LOXHD1: variants seen among roughly 807,000 people sequenced by gnomAD.
The protein encoded by LOXHD1 is lipoxygenase homology PLAT domains 1.
LOXHD1 carries 205 observed loss-of-function variants against 248.2 expected under a neutral mutation model. The observed-to-expected ratio is 0.83, with a 90% CI of 0.74 to 0.93. The LOEUF (loss-of-function observed/expected upper bound fraction) is 0.93. Among genes scored for constraint, LOXHD1 ranks in the 40% least tolerant of loss-of-function variants. LOXHD1 has a pLI of 0.00. For synonymous variants in LOXHD1, 1,113 were observed against 1,162.8 expected, an observed-to-expected ratio of 0.96 and a Z score of 0.87; for missense variants, 2,930 against 2,971.6, an observed-to-expected ratio of 0.99 and a Z score of 0.33.
At position 46,509,742 on chromosome 18, in the gene LOXHD1, G is replaced by A. The variant is rs776814200; in HGVS notation, c.5473C>T (p.Arg1825Trp). The A allele has an allele frequency of 4.8e-5, 75 of 1,551,460 alleles. No homozygotes were observed. The highest frequency in any genetic ancestry group is 3.9e-4 in the South Asian group (33 of 84,048). ...GGCCGACTGCCCAGGCCATCAATCC[G>A]GATCCGCATCTTGGTGAATGGAGCA... is the stretch of plus-strand genomic sequence containing the variant. ...DIAPFTKMRI[R>W]IDGLGSRPEW... The change falls in exon 35 of 41, where the codon CGG becomes TGG. Residue 1825 changes from arginine (R) to tryptophan (W), a missense_variant. By Grantham distance (101) the Arg-to-Trp change is moderately radical. Coordinates refer to ENST00000642948, the MANE Select transcript of LOXHD1 (RefSeq NM_001384474.1).
rs67053766 is a variant in LOXHD1 at position 46,614,718 on chromosome 18, T to TAATAAATAAATAAATA, written c.610+3458_610+3473dup. Reference sequence around the variant, plus strand: ...ATGTACCCTAGTACTTAAAGTATAATAATAAATAAATAAATAAATAAATAA... The same window carrying TAATAAATAAATAAATA: ...ATGTACCCTAGTACTTAAAGTATAATAATAAATAAATAAATAAATAAATAAATAAATAAATAAATAA... On this transcript the variant is annotated intron_variant, in intron 5 of 40. Coordinates refer to ENST00000642948, the MANE Select transcript of LOXHD1 (RefSeq NM_001384474.1). Among the ~76,000 whole-genome samples, 42 of 149,850 alleles carry TAATAAATAAATAAATA rather than the reference T, an allele frequency of 2.8e-4. No homozygotes were observed. The East Asian group carries it at 4.7e-3, about 17-fold the overall frequency.
chr18:46,545,693 G>GA lies in LOXHD1; in HGVS notation c.3515-273dup, dbSNP rs1393726895. Among the ~76,000 whole-genome samples, 4 of 136,658 alleles carry GA rather than the reference G, an allele frequency of 2.9e-5. No homozygotes were observed. In the Admixed American group the frequency reaches 3.0e-4, roughly 10 times the overall value. The allele number at this position is 136,658 out of a possible 152,430, so 89.7% of individuals were successfully genotyped here. A position where few individuals can be genotyped will look rare whatever the true frequency, so the allele number is the denominator to read the frequency against. ...CGCCCAGGCTGGAGTGCAGTGGCGGGATCTCGGCTCACTGCAAGCTCCGCC... is the reference window on the plus strand; with the variant it reads ...CGCCCAGGCTGGAGTGCAGTGGCGGGAATCTCGGCTCACTGCAAGCTCCGCC... On this transcript the variant is annotated intron_variant, in intron 22 of 40. Transcript: ENST00000642948.
At chr18:46,519,173 C>T (rs1172431290) in intron 33 of LOXHD1, 2 of 863,152 alleles carry the variant, frequency 2.3e-6, no homozygotes, top group African/African-American at 1.8e-5. Context: ...CACCAAGTGC[C>T]CCTGGACTCA....
rs78414200 is a variant in LOXHD1, at chr18:46,484,455, A to T, written c.6182+564T>A. 1.8e-3 allele frequency among the ~76,000 whole-genome samples: 280 copies of T among 152,210 alleles called. 3 individuals carry two copies. Among genetic ancestry groups the T allele is most frequent in the African/African-American group, 6.3e-3 (261 of 41,520 alleles). ...TCCCTCCGCCTTCTGCCATGTGAGG[A>T]CACAGTGAGAAGATGGCTATGAACC... is the stretch of plus-strand genomic sequence containing the variant. On this transcript the variant is annotated intron_variant, in intron 39 of 40. Coordinates refer to ENST00000642948, the MANE Select transcript of LOXHD1 (RefSeq NM_001384474.1).
At position 46,529,165 on chromosome 18, in the gene LOXHD1, T is replaced by C; in HGVS notation, c.4530+12A>G. Reference sequence around the variant, plus strand: ...GGAGGGAAGGAGGGTAAACTCCGTGTGCCCCTCATACCGTTCCTCTCTCGA... The same window carrying C: ...GGAGGGAAGGAGGGTAAACTCCGTGCGCCCCTCATACCGTTCCTCTCTCGA... On this transcript the variant is annotated intron_variant, in intron 29 of 40. Transcript: ENST00000642948. 6.4e-7 allele frequency: 1 copy of C among 1,551,494 alleles called. No homozygotes were observed. Among genetic ancestry groups the C allele is most frequent in the Non-Finnish European group, 8.7e-7 (1 of 1,146,912 alleles).
chr18:46,486,855 TTTAGG>T (rs2033091295), intron 38 of LOXHD1, among the ~76,000 whole-genome samples: 1 of 152,120 alleles, frequency 6.6e-6, no homozygotes, highest in Non-Finnish European at 1.5e-5. Context: ...AGCAAGGACA[TTTAGG>T]TAGATTAGAA....
At position 46,592,495 on chromosome 18, in the gene LOXHD1, C is replaced by T. The variant is rs1245778571; in HGVS notation, c.1518+3G>A. Reference sequence around the variant, plus strand: ...TCCCAAACCCCAAGATGGTGCATCTCACCCTTTCTAAATGCCATCCAGAAC... The same window carrying T: ...TCCCAAACCCCAAGATGGTGCATCTTACCCTTTCTAAATGCCATCCAGAAC... On this transcript the variant is annotated splice_donor_region_variant and intron_variant, in intron 11 of 40. Coordinates refer to ENST00000642948, the MANE Select transcript of LOXHD1 (RefSeq NM_001384474.1). 10 of 1,550,796 alleles carry T rather than the reference C, an allele frequency of 6.4e-6. 1 individual carries two copies. The highest frequency in any genetic ancestry group is 8.7e-6 in the Non-Finnish European group (10 of 1,146,222).
intron 2 of LOXHD1, among the ~76,000 whole-genome samples, chr18:46,643,337 A>G (rs2038987049): frequency 6.6e-6 from 1 of 152,172 alleles, no homozygotes; most frequent in South Asian, 2.1e-4. Context: ...GAAGGGAGGG[A>G]GGAAGCAGGG....
chr18:46,591,137 T>C (rs1368693161), intron 12 of LOXHD1, among the ~76,000 whole-genome samples: 1 of 152,260 alleles, frequency 6.6e-6, no homozygotes, highest in Non-Finnish European at 1.5e-5. Flanking sequence ...TTAGAAGGGC[T>C]ACTGGAACTA....
intron 40 of LOXHD1, among the ~76,000 whole-genome samples, chr18:46,479,162 A>T (rs2032311488): frequency 6.6e-6 from 1 of 152,096 alleles, no homozygotes; most frequent in African/African-American, 2.4e-5. Flanking sequence ...CCAAGTGGAA[A>T]TATGACTATT....
At position 46,523,491 on chromosome 18, in the gene LOXHD1, G is replaced by A. The variant is rs144459466; in HGVS notation, c.4876+975C>T. ...GTGGCCTACCTTTGGACTTTTATGT[G>A]AGTGAAAAGAAAAATTCCTAATTTG... On this transcript the variant is annotated intron_variant, in intron 31 of 40. Coordinates refer to ENST00000642948, the MANE Select transcript of LOXHD1 (RefSeq NM_001384474.1). Among the ~76,000 whole-genome samples the A allele has an allele frequency of 1.5e-3, 226 of 152,276 alleles. 1 individual carries two copies. Among genetic ancestry groups the A allele is most frequent in the African/African-American group, 5.3e-3 (219 of 41,546 alleles).
rs1750093975 is a variant in LOXHD1, at chr18:46,593,754, G to A, written c.1277C>T (p.Pro426Leu). Residue 426 changes from proline (P) to leucine (L), a missense_variant, in exon 10 of 41, where the codon CCT becomes CTT. Transcript: ENST00000642948. ...SLRKKRLKKF[P>L]WSLWVWTTDL... ...GGTTGTCCAGACCCACAGGGACCAA[G>A]GGAATTCTGTAAGACAGATCAAGTT... is the stretch of plus-strand genomic sequence containing the variant. 6.4e-7 allele frequency: 1 copy of A among 1,551,816 alleles called. No homozygotes were observed. The highest frequency in any genetic ancestry group is 8.7e-7 in the Non-Finnish European group (1 of 1,146,980).
Position 46,560,246 on chromosome 18 carries a change from C to T in LOXHD1, c.2898G>A (p.Glu966=), listed in dbSNP as rs1395182788. ...ESSSSEESSS[E]EEEMEEEEEE... is the part of the protein sequence containing the mutation. ...CCTCCTCTTCTTCCATCTCCTCCTCCTCTGACGAGGACTCCTCTGATGAGG... is the reference window on the plus strand; with the variant it reads ...CCTCCTCTTCTTCCATCTCCTCCTCTTCTGACGAGGACTCCTCTGATGAGG... The change falls in exon 19 of 41, where the codon GAG becomes GAA. Residue 966 remains glutamate (E), a synonymous_variant. Coordinates refer to ENST00000642948, the MANE Select transcript of LOXHD1 (RefSeq NM_001384474.1). 7 of 1,548,572 alleles carry T rather than the reference C, an allele frequency of 4.5e-6. No homozygotes were observed. Among genetic ancestry groups the T allele is most frequent in the Non-Finnish European group, 6.1e-6 (7 of 1,143,890 alleles).
intron 19 of LOXHD1, 89 bp downstream of exon 19, chr18:46,559,994 G>A: frequency 7.1e-7 from 1 of 1,413,454 alleles, no homozygotes; most frequent in Non-Finnish European, 9.6e-7. Flanking sequence ...CACGTGAGGG[G>A]GATCTAGGCC....
intron 4 of LOXHD1, among the ~76,000 whole-genome samples, chr18:46,627,746 C>T (rs2038763187): frequency 6.6e-6 from 1 of 152,068 alleles, no homozygotes; most frequent in Non-Finnish European, 1.5e-5. Context: ...CCCAAGTGCC[C>T]TCATTTCATT....
At position 46,549,147 on chromosome 18, in the gene LOXHD1, G is replaced by T. The variant is rs144950561; in HGVS notation, c.3351-2089C>A. Among the ~76,000 whole-genome samples the T allele has an allele frequency of 4.4e-3, 675 of 152,288 alleles. 4 individuals carry two copies. The highest frequency in any genetic ancestry group is 0.016 in the African/African-American group (650 of 41,548). ...GTCAACCAGGCTTCTGGATACCAGGGAGGGGACCAGGCAGGGGTTTTTTAG... is the reference window on the plus strand; with the variant it reads ...GTCAACCAGGCTTCTGGATACCAGGTAGGGGACCAGGCAGGGGTTTTTTAG... On this transcript the variant is annotated intron_variant, in intron 21 of 40. Transcript: ENST00000642948.
At chr18:46,611,527 T>A (rs2038508314) in intron 5 of LOXHD1, among the ~76,000 whole-genome samples, 1 of 152,186 alleles carries the variant, frequency 6.6e-6, no homozygotes, top group South Asian at 2.1e-4. Context: ...AGGACTCAAA[T>A]TTTAACCTGT....
At chr18:46,597,487 T>C (rs901183436) in intron 8 of LOXHD1, among the ~76,000 whole-genome samples, 2 of 152,002 alleles carry the variant, frequency 1.3e-5, no homozygotes, top group East Asian at 3.9e-4. Flanking sequence ...CAAAAATTGT[T>C]CTACAATAAG....
intron 14 of LOXHD1, 118 bp from the exon 15 acceptor site, chr18:46,572,280 A>G (rs1222039696): frequency 1.1e-6 from 1 of 883,466 alleles, no homozygotes; most frequent in East Asian, 2.7e-5. Flanking sequence ...GCAAAGTGAA[A>G]TGATTCTATG....
Sources: gnomAD v4.1 joint callset for allele counts (sites outside exome capture counted in the v4.1 genomes callset) on GRCh38, gnomAD v4.1.1 for gene constraint, MANE v1.5 for transcripts, NCBI Gene and HGNC (gene_info 2026-07-23, HGNC 2026-07-21) for gene names.